The following TRAF3IP1 variants were observed in gnomAD, a reference collection of about 807,000 sequenced individuals.
TRAF3IP1 encodes TRAF3-interacting protein 1.
A neutral mutation model predicts 89.9 loss-of-function variants in TRAF3IP1; 53 were observed. That is an observed-to-expected ratio of 0.59 (90% CI 0.47 to 0.74). The LOEUF is 0.74. Among genes scored for constraint, TRAF3IP1 ranks in the 30% least tolerant of loss-of-function variants. The probability of loss-of-function intolerance (pLI) is 0.00; values close to 1 mark genes in which losing one functional copy is unlikely to be tolerated. For synonymous variants in TRAF3IP1, 311 were observed against 322.1 expected (o/e 0.97, Z 0.37); for missense variants, 806 against 866.1 (o/e 0.93, Z 0.87).
chr2:238,350,975 G>A (rs1213307194), intron 12 of TRAF3IP1, among the ~76,000 whole-genome samples: 1 of 152,140 alleles, frequency 6.6e-6, no homozygotes, highest in Non-Finnish European at 1.5e-5. Context: ...GAGCCCTCGG[G>A]GTGAAGGTCA....
At chr2:238,332,699 A>G (rs570298184) in intron 5 of TRAF3IP1, 125 bp from the exon 6 acceptor site, 46 of 701,262 alleles carry the variant, frequency 6.6e-5, no homozygotes, top group East Asian at 2.2e-4. Flanking sequence ...TGGACTGGCG[A>G]TGTGGTGTTC....
intron 1 of TRAF3IP1, among the ~76,000 whole-genome samples, chr2:238,324,510 A>C (rs1697715907): frequency 1.3e-5 from 2 of 152,070 alleles, no homozygotes; most frequent in African/African-American, 4.8e-5. Flanking sequence ...CCAGGCCCCG[A>C]GTGTCTCTCT....
chr2:238,358,953 C>T (rs1414149847), intron 15 of TRAF3IP1, among the ~76,000 whole-genome samples: 1 of 152,212 alleles, frequency 6.6e-6, no homozygotes, highest in Admixed American at 6.5e-5. Context: ...GATAAAAATA[C>T]TTCAGGCTTT....
intron 15 of TRAF3IP1, among the ~76,000 whole-genome samples, chr2:238,391,510 T>C (rs1342852241): frequency 6.6e-6 from 1 of 152,118 alleles, no homozygotes; most frequent in Non-Finnish European, 1.5e-5. Context: ...AGCTTGAAAA[T>C]TGCCAGAGTG....
At chr2:238,372,011 C>T (rs147697083) in intron 15 of TRAF3IP1, among the ~76,000 whole-genome samples, 1 of 152,024 alleles carries the variant, frequency 6.6e-6, no homozygotes, top group Non-Finnish European at 1.5e-5. Context: ...TAAACTAGTT[C>T]TTGAAAAAAT....
At position 238,326,311 on chromosome 2, in the gene TRAF3IP1, T is replaced by A. The variant is rs766237563; in HGVS notation, c.354+341T>A. Among the ~76,000 whole-genome samples, 8 of 152,296 alleles carry A rather than the reference T, an allele frequency of 5.3e-5. No homozygotes were observed. In the South Asian group the frequency reaches 1.5e-3, roughly 28 times the overall value. On this transcript the variant is annotated intron_variant, in intron 3 of 16. Coordinates refer to ENST00000373327, the MANE Select transcript of TRAF3IP1 (RefSeq NM_015650.4). ...TGGCTTTCTCCTTTCTGAGGCTCCC[T>A]TGAGGACAGGTGGCTGCTTCCAGCC...
At chr2:238,378,773 C>T (rs1274244018) in intron 15 of TRAF3IP1, among the ~76,000 whole-genome samples, 2 of 152,190 alleles carry the variant, frequency 1.3e-5, no homozygotes, top group Non-Finnish European at 1.5e-5. Context: ...GCACTTTCTT[C>T]GCAGTTTGAT....
chr2:238,326,272 G>A (rs1300736007), intron 3 of TRAF3IP1, among the ~76,000 whole-genome samples: 1 of 152,226 alleles, frequency 6.6e-6, no homozygotes, highest in African/African-American at 2.4e-5. Context: ...GCAGGCCCAG[G>A]CTTCCATGCC....
Position 238,352,830 on chromosome 2 carries a change from A to G in TRAF3IP1, c.1455A>G (p.Ser485=). 6.2e-7 allele frequency: 1 copy of G among 1,606,218 alleles called. No homozygotes were observed. Among genetic ancestry groups the G allele is most frequent in the South Asian group, 1.1e-5 (1 of 88,824 alleles). The stretch of plus-strand genomic sequence containing the variant: ...AATCTAATTTCTTTTTATTTAGGTC[A>G]GGGAGTGGTAAAACCGTTTCAAATG... ...DSMEALQMDR[S]GSGKTVSNVI... The change falls in exon 13 of 17, where the codon TCA becomes TCG. Residue 485 remains serine (S), a synonymous_variant. Coordinates refer to ENST00000373327, the MANE Select transcript of TRAF3IP1 (RefSeq NM_015650.4).
intron 15 of TRAF3IP1, among the ~76,000 whole-genome samples, chr2:238,371,496 T>A (rs542298076): frequency 1.3e-5 from 2 of 152,322 alleles, no homozygotes; most frequent in South Asian, 4.1e-4. Context: ...TAGATTGTCA[T>A]TTCATACATA....
rs552520861 is a variant in TRAF3IP1 at position 238,345,820 on chromosome 2, G to A, written c.1261+1222G>A. Among the ~76,000 whole-genome samples the A allele has an allele frequency of 8.3e-4, 126 of 152,256 alleles. No homozygotes were observed. Among genetic ancestry groups the A allele is most frequent in the African/African-American group, 3.0e-3 (125 of 41,548 alleles). ...GGGTGGGGACTGGGTCACCTAGGAC[G>A]AGATTGTGAGTGCAGGAGCTGGCAG... On this transcript the variant is annotated intron_variant, in intron 9 of 16. Coordinates refer to ENST00000373327, the MANE Select transcript of TRAF3IP1 (RefSeq NM_015650.4). This position sits in a 1 kb window ranked among gnomAD's most constrained non-coding sequence, Gnocchi z 4.7.
At chr2:238,321,929 A>G (rs1377130794) in intron 1 of TRAF3IP1, among the ~76,000 whole-genome samples, 1 of 152,110 alleles carries the variant, frequency 6.6e-6, no homozygotes, top group African/African-American at 2.4e-5. Context: ...CTCCTACCTT[A>G]GCTTATAACG....
chr2:238,382,545 C>A (rs1700589775), intron 15 of TRAF3IP1, among the ~76,000 whole-genome samples: 1 of 151,758 alleles, frequency 6.6e-6, no homozygotes, highest in South Asian at 2.1e-4. Context: ...GTGTTCAGAT[C>A]AGCAGGTCGG....
At chr2:238,363,041 T>C (rs561080009) in intron 15 of TRAF3IP1, among the ~76,000 whole-genome samples, 1 of 152,386 alleles carries the variant, frequency 6.6e-6, no homozygotes, top group Admixed American at 6.5e-5. Flanking sequence ...AAATATCTTA[T>C]CTATACTTAG....
chr2:238,341,932 T>C (rs1195293626), intron 8 of TRAF3IP1, among the ~76,000 whole-genome samples: 1 of 152,156 alleles, frequency 6.6e-6, no homozygotes, highest in Non-Finnish European at 1.5e-5. Flanking sequence ...AGAAAACAGA[T>C]TGTGCTTATG....
intron 15 of TRAF3IP1, among the ~76,000 whole-genome samples, chr2:238,358,067 C>T (rs1699498352): frequency 6.6e-6 from 1 of 151,744 alleles, no homozygotes; most frequent in Admixed American, 6.6e-5. Context: ...TGATAAACAT[C>T]AGACTTAAAT....
chr2:238,348,664 G>GTA, intron 10 of TRAF3IP1, 100 bp from the exon 11 acceptor site: 4 of 1,024,620 alleles, frequency 3.9e-6, no homozygotes, highest in Non-Finnish European at 5.9e-6. Flanking sequence ...AAATGTATTT[G>GTA]ATTGCAAATA....
chr2:238,341,367 AC>A (rs1045367421), intron 8 of TRAF3IP1, among the ~76,000 whole-genome samples: 10 of 152,098 alleles, frequency 6.6e-5, no homozygotes, highest in African/African-American at 9.7e-5. Flanking sequence ...TGTTAAAAAA[AC>A]ATCCTAACAC....
intron 7 of TRAF3IP1, among the ~76,000 whole-genome samples, chr2:238,334,999 T>A (rs1036634937): frequency 6.6e-6 from 1 of 152,058 alleles, no homozygotes; most frequent in Non-Finnish European, 1.5e-5. Flanking sequence ...CGCGTGTGAG[T>A]GTTTTGGGCG....
Sources: gnomAD v4.1 joint callset for allele counts (sites outside exome capture counted in the v4.1 genomes callset) on GRCh38, gnomAD v4.1.1 for gene constraint, Gnocchi (gnomAD v3.1) non-coding constraint, MANE v1.5 for transcripts, NCBI Gene and HGNC (gene_info 2026-07-23, HGNC 2026-07-21) for gene names.